The following CCDC28B variants were observed in gnomAD, a reference collection of about 807,000 sequenced individuals.
CCDC28B encodes coiled-coil domain containing 28B.
In CCDC28B, 17 loss-of-function variants were observed where a neutral mutation model predicts 18.7. The observed-to-expected ratio is 0.91, with a 90% CI of 0.62 to 1.36. CCDC28B has a LOEUF of 1.36. CCDC28B is among the 40% of genes most tolerant of loss of function. CCDC28B has a pLI of 0.00. For synonymous variants in CCDC28B, 116 were observed against 105.1 expected, an observed-to-expected ratio of 1.10 and a Z score of -0.64; for missense variants, 213 against 251.7, an observed-to-expected ratio of 0.85 and a Z score of 1.04.
chr1:32,201,478 G>C (rs1462108773), intron 1 of CCDC28B, among the ~76,000 whole-genome samples: 1 of 152,102 alleles, frequency 6.6e-6, no homozygotes, highest in Non-Finnish European at 1.5e-5. Flanking sequence ...CTCCCATGCT[G>C]ACAGGGTTTG....
chr1:32,204,820 T>C lies in CCDC28B; in HGVS notation c.548+200T>C, dbSNP rs578041767. 5 of 1,570,626 alleles carry C rather than the reference T, an allele frequency of 3.2e-6. No homozygotes were observed. In the East Asian group the frequency reaches 1.2e-4, roughly 37 times the overall value. On this transcript the variant is annotated intron_variant, in intron 5 of 5. Transcript: ENST00000373602. Reference sequence around the variant, plus strand: ...TTAGAAGAAAAGTGGTTGTAGGGGATGTTTTACTACTGATCAAAATCTTTG... The same window carrying C: ...TTAGAAGAAAAGTGGTTGTAGGGGACGTTTTACTACTGATCAAAATCTTTG...
At chr1:32,200,542 GA>G (rs1192035736), upstream of CCDC28B, 1 of 152,212 alleles carries the variant, frequency 6.6e-6, no homozygotes, top group Non-Finnish European at 1.5e-5. Context: ...CATACGCGGG[GA>G]TGCTCCTCCC....
chr1:32,202,402 A>G (rs1250764643), intron 2 of CCDC28B: 3 of 539,424 alleles, frequency 5.6e-6, no homozygotes, highest in Non-Finnish European at 1.1e-5. Context: ...TATGGAAGAA[A>G]GCTATTACCT....
intron 2 of CCDC28B, 124 bp downstream of exon 2, chr1:32,202,223 C>A: frequency 2.4e-6 from 3 of 1,257,824 alleles, no homozygotes; most frequent in Non-Finnish European, 3.4e-6. Flanking sequence ...TGGAGCAGAC[C>A]CCTGAGAACT....
At chr1:32,201,794 A>T in intron 1 of CCDC28B, 119 bp from the exon 2 acceptor site, 1 of 805,658 alleles carries the variant, frequency 1.2e-6, no homozygotes, top group Non-Finnish European at 2.0e-6. Flanking sequence ...CCCCTACCGT[A>T]TAGATGAGGT....
At chr1:32,201,343 T>C (rs977835104) in intron 1 of CCDC28B, among the ~76,000 whole-genome samples, 10 of 152,010 alleles carry the variant, frequency 6.6e-5, no homozygotes, top group Admixed American at 2.0e-4. Flanking sequence ...TGGGTGGAAG[T>C]GGAGGGATGC....
At chr1:32,204,421 G>A in intron 4 of CCDC28B, 42 bp downstream of exon 4, 3 of 1,536,784 alleles carry the variant, frequency 2.0e-6, no homozygotes, top group Non-Finnish European at 2.6e-6. Context: ...GGGGCATGAG[G>A]GGTGGAGAAG....
At chr1:32,202,337 G>A in intron 2 of CCDC28B, 1 of 677,620 alleles carries the variant, frequency 1.5e-6, no homozygotes, top group Non-Finnish European at 2.7e-6. Context: ...AGGAGGGAGT[G>A]AGCAACTCTG....
intron 5 of CCDC28B, chr1:32,204,960 C>T: frequency 7.4e-7 from 1 of 1,357,094 alleles, no homozygotes; most frequent in Admixed American, 2.6e-5. Context: ...GGTCCTCAGT[C>T]AGAAACAGCG....
At position 32,205,299 on chromosome 1, in the gene CCDC28B, T is replaced by C. The variant is rs757233110; in HGVS notation, c.*51T>C. On this transcript the variant is annotated 3_prime_UTR_variant, in exon 6 of 6. Transcript: ENST00000373602. This position sits in a 1 kb window ranked among gnomAD's most constrained non-coding sequence, Gnocchi z 5.6. ...CCTCTCATTCTCTTCAAACTGTGACTTTTTACAGACTCGGGCGGGTGTTCT... is the reference window on the plus strand; with the variant it reads ...CCTCTCATTCTCTTCAAACTGTGACCTTTTACAGACTCGGGCGGGTGTTCT... The C allele has an allele frequency of 1.3e-6, 2 of 1,539,080 alleles. No homozygotes were observed. The highest frequency in any genetic ancestry group is 1.8e-6 in the Non-Finnish European group (2 of 1,134,004).
intron 2 of CCDC28B, 150 bp downstream of exon 2, chr1:32,202,249 C>A: frequency 1.0e-6 from 1 of 1,004,482 alleles, no homozygotes; most frequent in Non-Finnish European, 1.5e-6. Flanking sequence ...CTCACTCAGA[C>A]CCAGTCCCTA....
At position 32,205,220 on chromosome 1, in the gene CCDC28B, C is replaced by T; in HGVS notation, c.575C>T (p.Ala192Val). The T allele has an allele frequency of 6.2e-7, 1 of 1,613,916 alleles. No homozygotes were observed. The highest frequency in any genetic ancestry group is 1.3e-5 in the African/African-American group (1 of 75,074). ...CAGAAGCTGCACCTGGCCGAGAACGCCGAGCCTGAGGAGCAGTCCGCTGCG... is the reference window on the plus strand; with the variant it reads ...CAGAAGCTGCACCTGGCCGAGAACGTCGAGCCTGAGGAGCAGTCCGCTGCG... ...SIQKLHLAEN[A>V]EPEEQSAA The change falls in exon 6 of 6, where the codon GCC becomes GTC. Residue 192 changes from alanine (A) to valine (V), a missense_variant. Ala to Val is a moderately conservative substitution (Grantham distance 64). Transcript: ENST00000373602. This position sits in a 1 kb window ranked among gnomAD's most constrained non-coding sequence, Gnocchi z 5.6.
intron 2 of CCDC28B, 21 bp from the exon 3 acceptor site, chr1:32,203,858 G>T: frequency 6.7e-7 from 1 of 1,491,764 alleles, no homozygotes; most frequent in Non-Finnish European, 8.9e-7. Context: ...CTGTGATCAT[G>T]GTCATGTCCA....
upstream of CCDC28B, among the ~76,000 whole-genome samples, chr1:32,199,417 G>A (rs1197267034): frequency 6.6e-6 from 1 of 152,090 alleles, no homozygotes; most frequent in African/African-American, 2.4e-5. Flanking sequence ...AAGCAGCTCT[G>A]AGAATAATGA....
upstream of CCDC28B, chr1:32,197,127 C>T (rs1379929607): frequency 6.6e-6 from 1 of 152,386 alleles, no homozygotes; most frequent in Non-Finnish European, 1.5e-5. This position sits in a 1 kb window ranked among gnomAD's most constrained non-coding sequence, Gnocchi z 4.6. Flanking sequence ...TTTTCCCTAC[C>T]CCAGCCCCTG....
At chr1:32,200,441 G>A (rs543413465), upstream of CCDC28B, 32 of 152,326 alleles carry the variant, frequency 2.1e-4, 1 homozygote, top group African/African-American at 7.5e-4. Context: ...TGCCGGGAAA[G>A]GGAAAATCTT....
Position 32,204,415 on chromosome 1 carries a change from C to T in CCDC28B, c.525+36C>T, listed in dbSNP as rs776495384. Reference sequence around the variant, plus strand: ...GTCTGGGTGCTTTGGTTCCTGGGGGCATGAGGGGTGGAGAAGGTACATACT... The same window carrying T: ...GTCTGGGTGCTTTGGTTCCTGGGGGTATGAGGGGTGGAGAAGGTACATACT... On this transcript the variant is annotated intron_variant, in intron 4 of 5. Transcript: ENST00000373602. 8 of 1,540,286 alleles carry T rather than the reference C, an allele frequency of 5.2e-6. No homozygotes were observed. In the Admixed American group the frequency reaches 1.2e-4, roughly 23 times the overall value.
intron 1 of CCDC28B, 76 bp from the exon 2 acceptor site, chr1:32,201,837 G>A: frequency 7.7e-7 from 1 of 1,292,764 alleles, no homozygotes; most frequent in South Asian, 1.4e-5. Flanking sequence ...CCCTTCCTTG[G>A]TGCAGCTCTC....
At chr1:32,201,250 G>T (rs1557515121) in intron 1 of CCDC28B, among the ~76,000 whole-genome samples, 1 of 152,170 alleles carries the variant, frequency 6.6e-6, no homozygotes, top group African/African-American at 2.4e-5. Context: ...AGCCCAGCAG[G>T]GACTTTCCGA....
Sources: allele counts gnomAD v4.1 joint callset (sites outside exome capture counted in the v4.1 genomes callset), GRCh38; gene constraint gnomAD v4.1.1; non-coding constraint Gnocchi (gnomAD v3.1); transcripts MANE v1.5; gene names NCBI Gene and HGNC (gene_info 2026-07-23, HGNC 2026-07-21).